CNTLN: variants seen among roughly 807,000 people sequenced by gnomAD.
The protein encoded by CNTLN is centlein.
CNTLN carries 212 observed loss-of-function variants against 180.0 expected under a neutral mutation model. The observed-to-expected ratio is 1.18, with a 90% confidence interval of 1.05 to 1.32. The LOEUF is 1.32. Among genes scored for constraint, CNTLN ranks in the 40% most tolerant of loss-of-function variants. The probability of loss-of-function intolerance (pLI) is 0.00; values close to 1 mark genes in which losing one functional copy is unlikely to be tolerated. For synonymous variants in CNTLN, 722 were observed against 563.1 expected, an observed-to-expected ratio of 1.28 and a Z score of -3.99; for missense variants, 2,095 against 1,610.9, an observed-to-expected ratio of 1.30 and a Z score of -5.14.
In CNTLN at chr9:17,273,793, A is replaced by G. The variant is rs1405590653; in HGVS notation, c.910A>G (p.Asn304Asp). ...AGTTGAAGTATCACAGAGTAAATAC[A>G]ATGCTCTATCATTACAGTTGAGTAA... ...KEVEVSQSKY[N>D]ALSLQLSNKQ... The change falls in exon 6 of 26, where the codon AAT becomes GAT. Residue 304 changes from asparagine to aspartate, a missense_variant. By Grantham distance (23) the Asn-to-Asp change is conservative (BLOSUM62 1). Coordinates refer to ENST00000380647, the MANE Select transcript of CNTLN (RefSeq NM_017738.4). 6.4e-7 allele frequency: 1 copy of G among 1,573,370 alleles called. No individual in the cohort carries two copies. Among genetic ancestry groups the G allele is most frequent in the African/African-American group, 1.4e-5 (1 of 72,816 alleles).
intron 13 of CNTLN, among the ~76,000 whole-genome samples, chr9:17,387,799 C>T (rs1338542491): frequency 4.0e-5 from 6 of 151,866 alleles, no homozygotes; most frequent in Non-Finnish European, 7.4e-5. Context: ...ATCCAGAGAA[C>T]AAAACTAGTA....
intron 12 of CNTLN, among the ~76,000 whole-genome samples, chr9:17,365,576 T>A (rs1380038784): frequency 6.6e-6 from 1 of 152,184 alleles, no homozygotes; most frequent in Non-Finnish European, 1.5e-5. Context: ...TTGCCTTTAT[T>A]TGGCATCTAG....
intron 2 of CNTLN, among the ~76,000 whole-genome samples, chr9:17,213,924 C>T (rs183707220): frequency 6.6e-6 from 1 of 152,194 alleles, no homozygotes; most frequent in Admixed American, 6.5e-5. Context: ...TTCCTCCTTC[C>T]CTTTATTTTG....
chr9:17,299,239 C>T (rs1818172338), intron 7 of CNTLN: 1 of 42,322 alleles, frequency 2.4e-5, no homozygotes, highest in African/African-American at 1.5e-4. Flanking sequence ...GAGACAACGT[C>T]TCAAAAAAAA....
At chr9:17,433,513 T>G (rs1564102430) in intron 18 of CNTLN, among the ~76,000 whole-genome samples, 1 of 152,186 alleles carries the variant, frequency 6.6e-6, no homozygotes, top group African/African-American at 2.4e-5. Flanking sequence ...CTTGAACTCC[T>G]GACCTCAGGT....
At chr9:17,199,951 T>C (rs1185251363) in intron 2 of CNTLN, among the ~76,000 whole-genome samples, 3 of 152,202 alleles carry the variant, frequency 2.0e-5, no homozygotes, top group East Asian at 3.8e-4. Flanking sequence ...GGTTTTCTTC[T>C]AGGGTTTTTA....
intron 7 of CNTLN, chr9:17,302,031 T>G: frequency 1.0e-6 from 1 of 985,152 alleles, no homozygotes; most frequent in Non-Finnish European, 1.2e-6. Context: ...GCAATAAACA[T>G]TTCTTTGTCA....
rs573809630 is a variant in CNTLN at position 17,453,877 on chromosome 9, C to G, written c.3115-3647C>G. Among the ~76,000 whole-genome samples the G allele has an allele frequency of 3.3e-5, 5 of 152,292 alleles. No individual in the cohort carries two copies. In the East Asian group the frequency reaches 9.6e-4, roughly 29 times the overall value. ...ATCTCCCTGATCTCAGAGAATGCCTCTGGCCTTCTTTGAAAGGGCTCATCT... is the reference window on the plus strand; with the variant it reads ...ATCTCCCTGATCTCAGAGAATGCCTGTGGCCTTCTTTGAAAGGGCTCATCT... On this transcript the variant is annotated intron_variant, in intron 18 of 25. Transcript: ENST00000380647.
intron 12 of CNTLN, among the ~76,000 whole-genome samples, chr9:17,360,445 A>C (rs910517371): frequency 3.3e-5 from 5 of 152,160 alleles, no homozygotes; most frequent in Non-Finnish European, 7.3e-5. Context: ...AACTGACCTT[A>C]TCAGGATTTT....
chr9:17,424,916 C>A (rs1162054210), intron 18 of CNTLN, among the ~76,000 whole-genome samples: 2 of 152,124 alleles, frequency 1.3e-5, no homozygotes, highest in African/African-American at 4.8e-5. Flanking sequence ...AAATAAAACT[C>A]TATTCTTATA....
intron 10 of CNTLN, among the ~76,000 whole-genome samples, chr9:17,338,215 A>G (rs1821190337): frequency 6.7e-6 from 1 of 148,924 alleles, no homozygotes; most frequent in Admixed American, 6.7e-5. Context: ...GCTGTAGTAC[A>G]GTGCAGTGGC....
At chr9:17,218,258 C>G (rs533072789) in intron 2 of CNTLN, among the ~76,000 whole-genome samples, 3 of 152,220 alleles carry the variant, frequency 2.0e-5, no homozygotes, top group African/African-American at 7.2e-5. Flanking sequence ...ATTAACTATA[C>G]TTGAGCCTTT....
rs184852991 is a variant in CNTLN, at chr9:17,309,115, C to T, written c.1204C>T (p.Arg402Trp). 5.8e-5 allele frequency: 93 copies of T among 1,606,244 alleles called. No individual in the cohort carries two copies. In the Admixed American group the frequency reaches 8.2e-4, roughly 14 times the overall value. The change falls in exon 8 of 26, where the codon CGG becomes TGG. Residue 402 changes from arginine (R) to tryptophan (W), a missense_variant. Arg to Trp is a moderately radical substitution (Grantham distance 101, BLOSUM62 -3). Transcript: ENST00000380647. ...CACAAAATCAAATGAAGCTATGCTC[C>T]GGCAAAGTGTTACTAATCTTCAGGA... ...ETTKSNEAML[R>W]QSVTNLQDQL...
At chr9:17,220,894 C>T (rs926809669) in intron 2 of CNTLN, among the ~76,000 whole-genome samples, 2 of 152,184 alleles carry the variant, frequency 1.3e-5, no homozygotes, top group African/African-American at 4.8e-5. Context: ...GTAAACAGTG[C>T]TGCAGTGAAT....
chr9:17,413,382 G>A (rs368988506), intron 16 of CNTLN, among the ~76,000 whole-genome samples: 17 of 152,110 alleles, frequency 1.1e-4, no homozygotes, highest in African/African-American at 3.9e-4. Flanking sequence ...GATACCAAAA[G>A]CATGATCCAT....
At chr9:17,190,389 A>G (rs1411189392) in intron 2 of CNTLN, among the ~76,000 whole-genome samples, 3 of 151,958 alleles carry the variant, frequency 2.0e-5, no homozygotes, top group Admixed American at 2.0e-4. Flanking sequence ...AATTTAATAC[A>G]TATATTGCAT....
At chr9:17,433,807 C>A (rs1392519668) in intron 18 of CNTLN, among the ~76,000 whole-genome samples, 1 of 152,056 alleles carries the variant, frequency 6.6e-6, no homozygotes. Flanking sequence ...TCTTGAATAC[C>A]TGGCCTCAAG....
intron 7 of CNTLN, among the ~76,000 whole-genome samples, chr9:17,307,689 A>C (rs979948269): frequency 2.0e-5 from 3 of 152,104 alleles, no homozygotes; most frequent in African/African-American, 7.2e-5. Flanking sequence ...GAGATGTATT[A>C]ATGAAAGGTT....
intron 2 of CNTLN, among the ~76,000 whole-genome samples, chr9:17,164,900 A>G (rs996974205): frequency 6.8e-6 from 1 of 148,034 alleles, no homozygotes; most frequent in African/African-American, 2.5e-5. Context: ...CAGTGGTGCA[A>G]TCTTGGCTCA....
Sources: allele counts gnomAD v4.1 joint callset (sites outside exome capture counted in the v4.1 genomes callset), GRCh38; gene constraint gnomAD v4.1.1; transcripts MANE v1.5; gene names NCBI Gene and HGNC (gene_info 2026-07-23, HGNC 2026-07-21).